Variants in TGFB2 observed in about 807,000 individuals in gnomAD.
The protein encoded by TGFB2 is transforming growth factor beta-2 proprotein.
TGFB2 carries 13 observed loss-of-function variants against 42.7 expected under a neutral mutation model. The observed-to-expected ratio is 0.30, with a 90% CI of 0.20 to 0.48. The LOEUF (loss-of-function observed/expected upper bound fraction) is 0.48, where lower values mean the gene tolerates loss of function less well. Ranked by LOEUF, TGFB2 falls within the 20% of genes least tolerant of loss-of-function variation. The pLI is 0.99. For synonymous variants in TGFB2, 193 were observed against 193.6 expected (o/e 1.00, Z 0.03); for missense variants, 390 against 517.5 (o/e 0.75, Z 2.39).
chr1:218,409,937 A>C (rs1187568532), intron 2 of TGFB2, among the ~76,000 whole-genome samples: 1 of 152,234 alleles, frequency 6.6e-6, no homozygotes, highest in African/African-American at 2.4e-5. Context: ...ACATGTGTGC[A>C]CACGTGCCTG....
intron 2 of TGFB2, among the ~76,000 whole-genome samples, chr1:218,422,302 C>T (rs1659481903): frequency 6.6e-6 from 1 of 151,936 alleles, no homozygotes; most frequent in African/African-American, 2.4e-5. Context: ...GCTGCAGCCT[C>T]AACCTCCCAG....
At chr1:218,350,649 A>G (rs1208117609) in intron 1 of TGFB2, among the ~76,000 whole-genome samples, 1 of 152,220 alleles carries the variant, frequency 6.6e-6, no homozygotes, top group East Asian at 1.9e-4. Flanking sequence ...TATCTTAATT[A>G]AATGGAGTGT....
chr1:218,368,422 C>T (rs1657459542), intron 1 of TGFB2, among the ~76,000 whole-genome samples: 1 of 152,158 alleles, frequency 6.6e-6, no homozygotes, highest in Non-Finnish European at 1.5e-5. Context: ...CAGGCATGAG[C>T]CACCGTGCCC....
At chr1:218,355,592 C>T (rs1657007383) in intron 1 of TGFB2, among the ~76,000 whole-genome samples, 2 of 152,168 alleles carry the variant, frequency 1.3e-5, no homozygotes, top group Admixed American at 6.5e-5. Flanking sequence ...GGCTTTGCAG[C>T]TGGATTTGAA....
At chr1:218,383,521 T>A (rs965395158) in intron 1 of TGFB2, among the ~76,000 whole-genome samples, 1 of 151,994 alleles carries the variant, frequency 6.6e-6, no homozygotes, top group Non-Finnish European at 1.5e-5. Flanking sequence ...GCATGAGAAG[T>A]GTGTGTATGT....
chr1:218,367,925 C>G (rs1657439068), intron 1 of TGFB2, among the ~76,000 whole-genome samples: 1 of 152,108 alleles, frequency 6.6e-6, no homozygotes, highest in African/African-American at 2.4e-5. Flanking sequence ...GCCTCAGCCT[C>G]CTGAGTAGCT....
intron 2 of TGFB2, among the ~76,000 whole-genome samples, chr1:218,423,599 G>A (rs1194168435): frequency 6.6e-6 from 1 of 152,166 alleles, no homozygotes; most frequent in Non-Finnish European, 1.5e-5. Context: ...TGGAAGTTTG[G>A]AGTATATAAT....
chr1:218,362,712 C>T lies in TGFB2; in HGVS notation c.346+15665C>T, dbSNP rs10482739. Among the ~76,000 whole-genome samples the T allele has an allele frequency of 9.4e-3, 1,429 of 152,200 alleles. 23 individuals carry two copies. Among genetic ancestry groups the T allele is most frequent in the African/African-American group, 0.033 (1,354 of 41,506 alleles). ...GGTGGGCAAAATACAAATTGGGTTG[C>T]TGTTACTTTAAAGAAAGTGAAGTTC... On this transcript the variant is annotated intron_variant, in intron 1 of 6. Coordinates refer to ENST00000366930, the MANE Select transcript of TGFB2 (RefSeq NM_003238.6).
rs116268792 is a variant in TGFB2 at position 218,376,824 on chromosome 1, A to T, written c.347-28345A>T. ...CTACCCTGCACAAAGCAGAAAAATT[A>T]AAAAACTGCTGAATGACATTTACAA... On this transcript the variant is annotated intron_variant, in intron 1 of 6. Coordinates refer to ENST00000366930, the MANE Select transcript of TGFB2 (RefSeq NM_003238.6). Among the ~76,000 whole-genome samples the T allele has an allele frequency of 2.0e-3, 301 of 152,366 alleles. 2 individuals carry two copies. Among genetic ancestry groups the T allele is most frequent in the African/African-American group, 6.6e-3 (275 of 41,590 alleles).
intron 4 of TGFB2, among the ~76,000 whole-genome samples, chr1:218,435,159 GC>G (rs1161537904): frequency 6.6e-6 from 1 of 152,144 alleles, no homozygotes; most frequent in Non-Finnish European, 1.5e-5. Flanking sequence ...TGCCCACAAT[GC>G]CAGGCCAGAG....
intron 1 of TGFB2, among the ~76,000 whole-genome samples, chr1:218,361,732 T>C (rs1367943961): frequency 1.3e-5 from 2 of 152,250 alleles, no homozygotes. Context: ...TTGTCTGACT[T>C]GTTAATCTTG....
intron 1 of TGFB2, among the ~76,000 whole-genome samples, chr1:218,393,981 A>G (rs1455936479): frequency 6.8e-6 from 1 of 147,882 alleles, no homozygotes; most frequent in Non-Finnish European, 1.5e-5. Flanking sequence ...ATCTCGGCTC[A>G]CTGCAAGCTC....
intron 2 of TGFB2, among the ~76,000 whole-genome samples, chr1:218,406,423 G>A (rs1658913407): frequency 6.6e-6 from 1 of 152,182 alleles, no homozygotes; most frequent in African/African-American, 2.4e-5. Context: ...TGTGAGAAAT[G>A]TAGAATCTCA....
At chr1:218,392,607 G>GTCTTC (rs1422096652) in intron 1 of TGFB2, among the ~76,000 whole-genome samples, 13 of 152,180 alleles carry the variant, frequency 8.5e-5, no homozygotes, top group Non-Finnish European at 1.6e-4. Context: ...GTCTTGTCTT[G>GTCTTC]TCTTGTAAAG....
intron 1 of TGFB2, among the ~76,000 whole-genome samples, chr1:218,368,519 C>G (rs1401604361): frequency 1.3e-5 from 2 of 152,168 alleles, no homozygotes; most frequent in Non-Finnish European, 2.9e-5. Context: ...AATCCTTGCC[C>G]ATGGGGAGCT....
chr1:218,406,199 A>C (rs962217227), intron 2 of TGFB2, among the ~76,000 whole-genome samples: 1 of 151,052 alleles, frequency 6.6e-6, no homozygotes, highest in South Asian at 2.1e-4. Context: ...CAATACACAC[A>C]CACACACACA....
intron 2 of TGFB2, among the ~76,000 whole-genome samples, chr1:218,412,076 GTGAGT>G (rs1046787538): frequency 6.6e-6 from 1 of 152,206 alleles, no homozygotes; most frequent in Non-Finnish European, 1.5e-5. Context: ...TCAGCCGACT[GTGAGT>G]GTGCACCTCC....
intron 4 of TGFB2, among the ~76,000 whole-genome samples, 154 bp from the exon 5 acceptor site, chr1:218,435,816 A>G (rs956833675): frequency 2.0e-5 from 3 of 152,218 alleles, no homozygotes; most frequent in South Asian, 2.1e-4. Flanking sequence ...CTGTTGTGCC[A>G]TATCTATTTC....
chr1:218,441,172 T>C (rs1318669107), intron 6 of TGFB2, 32 bp from the exon 7 acceptor site: 2 of 1,579,070 alleles, frequency 1.3e-6, no homozygotes, highest in Non-Finnish European at 1.7e-6. Flanking sequence ...CGTCTTTCCC[T>C]ATGTTGTCTC....
Sources: allele counts gnomAD v4.1 joint callset (sites outside exome capture counted in the v4.1 genomes callset), GRCh38; gene constraint gnomAD v4.1.1; transcripts MANE v1.5; gene names NCBI Gene and HGNC (gene_info 2026-07-23, HGNC 2026-07-21).